Variants in POLN observed in about 807,000 individuals in gnomAD.
POLN encodes the protein DNA polymerase nu, also known as DNA polymerase N.
A neutral mutation model predicts 113.5 loss-of-function variants in POLN; 108 were observed. The ratio of observed to expected loss-of-function variants is 0.95; its 90% CI spans 0.81 to 1.12. The LOEUF (loss-of-function observed/expected upper bound fraction) is 1.12. Among genes scored for constraint, POLN ranks in the 50% most tolerant of loss-of-function variants. The pLI is 0.00. For synonymous variants in POLN, 386 were observed against 391.5 expected (o/e 0.99, Z 0.17); for missense variants, 1,097 against 1,077.1 (o/e 1.02, Z -0.26).
chr4:2,206,848 T>C (rs1733856921), intron 5 of POLN, among the ~76,000 whole-genome samples: 1 of 152,174 alleles, frequency 6.6e-6, no homozygotes, highest in Non-Finnish European at 1.5e-5. Context: ...GGAAATTCCT[T>C]AAAGAACTAA....
At chr4:2,235,688 C>G (rs945464019) in intron 2 of POLN, among the ~76,000 whole-genome samples, 2 of 152,012 alleles carry the variant, frequency 1.3e-5, no homozygotes, top group East Asian at 3.8e-4. Context: ...ATACCACCAC[C>G]AGTATAATAA....
At chr4:2,117,456 C>G (rs1044668900) in intron 19 of POLN, among the ~76,000 whole-genome samples, 25 of 152,172 alleles carry the variant, frequency 1.6e-4, no homozygotes, top group African/African-American at 6.0e-4. Flanking sequence ...TTCATCTTAT[C>G]AGGGCAGCAG....
chr4:2,190,476 A>ATT (rs57891968), intron 7 of POLN, among the ~76,000 whole-genome samples: 36,377 of 147,636 alleles, frequency 0.25, 6,699 homozygotes, highest in African/African-American at 0.5. Context: ...CTGGGCAATG[A>ATT]TTTTTTTTTT....
In POLN at chr4:2,156,787, C is replaced by T. The variant is rs1456017923; in HGVS notation, c.1731+1G>A. ...CAAAGACAGTTGTTTAAACAACTTACAGGATGCTTGGCTGAAAGTCTTCCA... is the reference window on the plus strand; with the variant it reads ...CAAAGACAGTTGTTTAAACAACTTATAGGATGCTTGGCTGAAAGTCTTCCA... On this transcript the variant is annotated splice_donor_variant, in intron 16 of 25. Transcript: ENST00000511885. LOFTEE classifies it high-confidence loss of function. The T allele has an allele frequency of 1.9e-6, 3 of 1,610,482 alleles. No individual in the cohort carries two copies. In the African/African-American group the frequency reaches 4.0e-5, roughly 22 times the overall value.
In POLN at chr4:2,116,520, A is replaced by G. The variant is rs575565659; in HGVS notation, c.1982+11593T>C. 2.0e-5 allele frequency among the ~76,000 whole-genome samples: 3 copies of G among 151,158 alleles called. No homozygotes were observed. The South Asian group carries it at 6.3e-4, about 32-fold the overall frequency. On this transcript the variant is annotated intron_variant, in intron 19 of 25. Coordinates refer to ENST00000511885, the MANE Select transcript of POLN (RefSeq NM_181808.4). ...TCATGGTTTTTTCCAGCTTAACTAG[A>G]AATTAATCCTTCTTCTCATGAATTA...
intron 16 of POLN, among the ~76,000 whole-genome samples, chr4:2,137,062 C>T (rs1056978062): frequency 4.6e-5 from 7 of 152,252 alleles, no homozygotes; most frequent in African/African-American, 1.2e-4. Flanking sequence ...GCAGGGCCCA[C>T]GGCGTTTTCA....
chr4:2,117,505 G>T (rs774538070), intron 19 of POLN, among the ~76,000 whole-genome samples: 5 of 152,168 alleles, frequency 3.3e-5, no homozygotes, highest in Non-Finnish European at 7.4e-5. Context: ...CTTATATCAG[G>T]ACATGATGTG....
In POLN at chr4:2,137,048, C is replaced by T. The variant is rs559276689; in HGVS notation, c.1732-5758G>A. The stretch of plus-strand genomic sequence containing the variant: ...ACTCTGCCCTCTGGACACAGCCTCC[C>T]GGGGCAGGGCCCACGGCGTTTTCAC... On this transcript the variant is annotated intron_variant, in intron 16 of 25. Transcript: ENST00000511885. Among the ~76,000 whole-genome samples the T allele has an allele frequency of 1.2e-4, 18 of 152,354 alleles. No homozygotes were observed. In the East Asian group the frequency reaches 1.5e-3, roughly 13 times the overall value.
At chr4:2,123,821 C>T (rs972147595) in intron 19 of POLN, among the ~76,000 whole-genome samples, 2 of 151,274 alleles carry the variant, frequency 1.3e-5, no homozygotes, top group South Asian at 2.1e-4. Flanking sequence ...AAACCAAAAC[C>T]GAAGCCAAAA....
Position 2,228,348 on chromosome 4 carries a change from CTTTTTTT to C in POLN, c.133+744_133+750del, listed in dbSNP as rs531222767. ...ATTTGTGAGCATATCACTGCTTTCA[CTTTTTTT>C]TTTTTTTTTTTTTGAGATAGAGTCT... On this transcript the variant is annotated intron_variant, in intron 3 of 25. Coordinates refer to ENST00000511885, the MANE Select transcript of POLN (RefSeq NM_181808.4). 1,480 of 188,030 alleles carry C rather than the reference CTTTTTTT, an allele frequency of 7.9e-3. 27 individuals are homozygous for C. Among genetic ancestry groups the C allele is most frequent in the African/African-American group, 0.037 (1,393 of 37,150 alleles). The allele number at this position is 188,030 out of a possible 1,614,324, so 11.6% of individuals were successfully genotyped here. A position where few individuals can be genotyped will look rare whatever the true frequency, so the allele number is the denominator to read the frequency against.
chr4:2,196,628 T>C (rs1357196179), intron 6 of POLN, among the ~76,000 whole-genome samples: 1 of 149,014 alleles, frequency 6.7e-6, no homozygotes, highest in Admixed American at 6.7e-5. Context: ...AAAATGGCAC[T>C]GTGGCTCTGG....
chr4:2,136,385 T>C (rs989047996), intron 16 of POLN, among the ~76,000 whole-genome samples: 19 of 152,380 alleles, frequency 1.2e-4, no homozygotes, highest in African/African-American at 3.4e-4. Context: ...AAGGCACCTG[T>C]GCTCAGCCCT....
intron 5 of POLN, among the ~76,000 whole-genome samples, chr4:2,207,350 G>GAAAGGA (rs894462896): frequency 1.5e-4 from 23 of 149,674 alleles, no homozygotes; most frequent in East Asian, 1.4e-3. Flanking sequence ...GAAAGGAAAG[G>GAAAGGA]AAAGGAAAAG....
chr4:2,221,722 C>G (rs935423782), intron 3 of POLN, among the ~76,000 whole-genome samples: 1 of 152,130 alleles, frequency 6.6e-6, no homozygotes, highest in Non-Finnish European at 1.5e-5. Context: ...ATTACAGGCA[C>G]CTGCCACCAT....
At chr4:2,240,946 T>C (rs1434503876) in intron 2 of POLN, 9 of 1,584,448 alleles carry the variant, frequency 5.7e-6, no homozygotes, top group Non-Finnish European at 7.7e-6. Flanking sequence ...CCACAACTCA[T>C]GGTTTTAACT....
intron 23 of POLN, 101 bp downstream of exon 23, chr4:2,080,857 T>C (rs377401590): frequency 3.9e-5 from 63 of 1,597,378 alleles, no homozygotes; most frequent in African/African-American, 5.3e-5. Context: ...GGGGGCCCGA[T>C]AAGCAGAGAT....
At chr4:2,207,854 A>C in intron 5 of POLN, 133 bp downstream of exon 5, 1 of 1,014,408 alleles carries the variant, frequency 9.9e-7, no homozygotes, top group South Asian at 1.8e-5. Context: ...ATACATTGTC[A>C]ATCACTTACC....
chr4:2,080,761 C>T (rs560991474), intron 23 of POLN, 197 bp downstream of exon 23: 27 of 1,452,986 alleles, frequency 1.9e-5, no homozygotes, highest in African/African-American at 7.1e-5. Flanking sequence ...CTGCACCCCA[C>T]GCTGGTGGAT....
intron 3 of POLN, among the ~76,000 whole-genome samples, chr4:2,226,051 G>C (rs34529848): frequency 1.3e-5 from 2 of 152,138 alleles, no homozygotes; most frequent in Admixed American, 6.5e-5. Flanking sequence ...TCAGTAGGTG[G>C]TATAGCTGTT....
Sources: gnomAD v4.1 joint callset for allele counts (sites outside exome capture counted in the v4.1 genomes callset) on GRCh38, gnomAD v4.1.1 for gene constraint, MANE v1.5 for transcripts, NCBI Gene and HGNC (gene_info 2026-07-23, HGNC 2026-07-21) for gene names.